Variants in WDR1 observed in about 807,000 individuals in gnomAD.
WDR1 encodes the protein WD repeat domain 1, also known as WD repeat-containing protein 1.
A neutral mutation model predicts 71.9 loss-of-function variants in WDR1; 21 were observed. That is an observed-to-expected ratio of 0.29 (90% CI 0.21 to 0.42). WDR1 has a LOEUF of 0.42. Among genes scored for constraint, WDR1 ranks in the 10% least tolerant of loss-of-function variants. WDR1 has a pLI of 1.00. For missense variants in WDR1, 696 were observed against 824.5 expected (o/e 0.84, Z 1.91); for synonymous variants, 424 against 347.4 (o/e 1.22, Z -2.45).
intron 7 of WDR1, 150 bp downstream of exon 7, chr4:10,088,143 C>T (rs868059772): frequency 1.1e-6 from 1 of 925,470 alleles, no homozygotes; most frequent in Non-Finnish European, 1.7e-6. Flanking sequence ...TTATTGCGAC[C>T]TTAAAGCTTT....
chr4:10,086,796 C>CA lies in WDR1; in HGVS notation c.951+910dup, dbSNP rs1177838570. ...GCATTGTCCACCTGCCTTGATATTACAGCTTAGAATAGCAGGAGGGGTCAC... is the reference window on the plus strand; with the variant it reads ...GCATTGTCCACCTGCCTTGATATTACAAGCTTAGAATAGCAGGAGGGGTCAC... On this transcript the variant is annotated intron_variant, in intron 8 of 14. Transcript: ENST00000499869. Among the ~76,000 whole-genome samples, 9 of 152,336 alleles carry CA rather than the reference C, an allele frequency of 5.9e-5. No individual in the cohort carries two copies. The East Asian group carries it at 1.7e-3, about 29-fold the overall frequency.
At chr4:10,115,256 T>C (rs1457544553) in intron 2 of WDR1, among the ~76,000 whole-genome samples, 1 of 152,190 alleles carries the variant, frequency 6.6e-6, no homozygotes, top group Admixed American at 6.5e-5. Context: ...AATTTAAGCG[T>C]GTAACCCAGG....
chr4:10,116,561 TC>T, intron 1 of WDR1, 89 bp downstream of exon 1: 1 of 1,013,916 alleles, frequency 9.9e-7, no homozygotes, highest in Non-Finnish European at 1.2e-6. Flanking sequence ...CGCCGAGGAC[TC>T]CCCCGCCACC....
At chr4:10,077,086 G>A (rs1764826573) in intron 14 of WDR1, 2 of 587,784 alleles carry the variant, frequency 3.4e-6, no homozygotes, top group African/African-American at 1.9e-5. Flanking sequence ...AGCTCAGCAG[G>A]TGTCCTGTGC....
chr4:10,115,868 G>A (rs1025992855), intron 2 of WDR1: 2 of 511,148 alleles, frequency 3.9e-6, no homozygotes, highest in African/African-American at 1.9e-5. Flanking sequence ...CGCTTTCAGG[G>A]TGCTATGACC....
At position 10,083,008 on chromosome 4, in the gene WDR1, C is replaced by T. The variant is rs914859942; in HGVS notation, c.1196+14G>A. The T allele has an allele frequency of 6.2e-7, 1 of 1,601,766 alleles. No homozygotes were observed. The highest frequency in any genetic ancestry group is 8.5e-7 in the Non-Finnish European group (1 of 1,171,404). ...AGGCTCATCCGGAACCCCCGCAGAC[C>T]CGAGTGCTCTCACCTGTAGTCCCGC... On this transcript the variant is annotated intron_variant, in intron 10 of 14. Transcript: ENST00000499869.
intron 9 of WDR1, 136 bp from the exon 10 acceptor site, chr4:10,083,314 A>C (rs1300026315): frequency 1.7e-6 from 2 of 1,149,360 alleles, no homozygotes; most frequent in East Asian, 2.6e-5. Context: ...CCCCCTGGGA[A>C]GCCTGCAGTG....
intron 3 of WDR1, 45 bp from the exon 4 acceptor site, chr4:10,099,184 G>GGGGGGGGGGGGGGGGGGGGT: frequency 2.2e-6 from 1 of 450,126 alleles, no homozygotes; most frequent in Non-Finnish European, 4.0e-6. Context: ...CGGTGGTGGG[G>GGGGGGGGGGGGGGGGGGGGT]TAAAGGGCAG....
chr4:10,099,983 C>A (rs1408674367), intron 3 of WDR1, among the ~76,000 whole-genome samples: 1 of 152,224 alleles, frequency 6.6e-6, no homozygotes, highest in Non-Finnish European at 1.5e-5. Flanking sequence ...AGTACCAAGT[C>A]CCAATCCCGA....
rs1453434622 is a variant in WDR1, at chr4:10,116,744, G to A, written c.-78C>T. 3.9e-6 allele frequency: 5 copies of A among 1,266,752 alleles called. 1 individual carries two copies. The Admixed American group carries it at 1.2e-4, about 30-fold the overall frequency. The allele number at this position is 1,266,752 out of a possible 1,614,324, so 78.5% of individuals were successfully genotyped here. ...CGCGCTGCGAATTACACCTCGCCGA[G>A]GCCGAGCCCGGGGACTGGAGCCGGA... On this transcript the variant is annotated 5_prime_UTR_variant, in exon 1 of 15. Coordinates refer to ENST00000499869, the MANE Select transcript of WDR1 (RefSeq NM_017491.5).
chr4:10,100,889 T>A (rs577993716), intron 3 of WDR1, among the ~76,000 whole-genome samples: 1 of 152,180 alleles, frequency 6.6e-6, no homozygotes, highest in African/African-American at 2.4e-5. Flanking sequence ...CATGCACACA[T>A]GTCCACACAT....
At position 10,116,689 on chromosome 4, in the gene WDR1, C is replaced by G; in HGVS notation, c.-23G>C. Reference sequence around the variant, plus strand: ...CATCCTCGCCCACTTGTTACCGCGCCGCGCTCGCCGAGAGCCTCCGGGGCC... The same window carrying G: ...CATCCTCGCCCACTTGTTACCGCGCGGCGCTCGCCGAGAGCCTCCGGGGCC... On this transcript the variant is annotated 5_prime_UTR_variant, in exon 1 of 15. Transcript: ENST00000499869. The G allele has an allele frequency of 1.5e-6, 2 of 1,350,050 alleles. No individual in the cohort carries two copies. The highest frequency in any genetic ancestry group is 3.2e-5 in the East Asian group (1 of 31,366). The allele number at this position is 1,350,050 out of a possible 1,614,324, so 83.6% of individuals were successfully genotyped here.
chr4:10,080,233 T>G (rs2109639227), intron 11 of WDR1, among the ~76,000 whole-genome samples: 1 of 152,212 alleles, frequency 6.6e-6, no homozygotes, highest in Non-Finnish European at 1.5e-5. Context: ...GACCACAACT[T>G]TACAGATGAG....
intron 8 of WDR1, among the ~76,000 whole-genome samples, chr4:10,086,151 C>A (rs1435941042): frequency 1.3e-5 from 2 of 152,160 alleles, no homozygotes; most frequent in Non-Finnish European, 2.9e-5. Context: ...CCTTACTCAC[C>A]CGTGTACAAT....
chr4:10,088,188 C>A (rs1164642341), intron 7 of WDR1, 105 bp downstream of exon 7: 2 of 1,142,906 alleles, frequency 1.7e-6, no homozygotes, highest in African/African-American at 3.1e-5. Context: ...GACTTATAGC[C>A]CCTCATTTCA....
chr4:10,112,930 T>C (rs959096460), intron 2 of WDR1, among the ~76,000 whole-genome samples: 1 of 152,242 alleles, frequency 6.6e-6, no homozygotes, highest in Non-Finnish European at 1.5e-5. Flanking sequence ...TGTACACTTG[T>C]AGGCAGCCGT....
At chr4:10,106,208 A>G (rs1386188580) in intron 2 of WDR1, among the ~76,000 whole-genome samples, 1 of 152,206 alleles carries the variant, frequency 6.6e-6, no homozygotes, top group Non-Finnish European at 1.5e-5. Context: ...GTCAAGATCC[A>G]AGCCACACAC....
At chr4:10,082,619 G>A (rs1345108962) in intron 10 of WDR1, among the ~76,000 whole-genome samples, 2 of 151,474 alleles carry the variant, frequency 1.3e-5, no homozygotes, top group Non-Finnish European at 2.9e-5. Flanking sequence ...AGCAGAAGGG[G>A]AATGCTGTCT....
chr4:10,099,831 CA>C (rs1712582214), intron 3 of WDR1, among the ~76,000 whole-genome samples: 2 of 152,250 alleles, frequency 1.3e-5, no homozygotes, highest in African/African-American at 4.8e-5. Context: ...GTGAGAGTAG[CA>C]GGTGGGTGTT....
Sources: gnomAD v4.1 joint callset for allele counts (sites outside exome capture counted in the v4.1 genomes callset) on GRCh38, gnomAD v4.1.1 for gene constraint, MANE v1.5 for transcripts, NCBI Gene and HGNC (gene_info 2026-07-23, HGNC 2026-07-21) for gene names.